Variants in MAN2A1 observed in about 807,000 individuals in gnomAD.
The protein encoded by MAN2A1 is mannosidase alpha class 2A member 1.
In MAN2A1, 76 loss-of-function variants were observed where a neutral mutation model predicts 142.6. The observed-to-expected ratio is 0.53, with a 90% CI of 0.44 to 0.65. The LOEUF is 0.65. Among genes scored for constraint, MAN2A1 ranks in the 30% least tolerant of loss-of-function variants. The probability of loss-of-function intolerance (pLI) is 0.00; values close to 1 mark genes in which losing one functional copy is unlikely to be tolerated. For synonymous variants in MAN2A1, 559 were observed against 473.2 expected, an observed-to-expected ratio of 1.18 and a Z score of -2.35; for missense variants, 1,311 against 1,365.1, an observed-to-expected ratio of 0.96 and a Z score of 0.62.
At chr5:109,810,991 ATT>A (rs11298846) in intron 12 of MAN2A1, among the ~76,000 whole-genome samples, 266 of 145,616 alleles carry the variant, frequency 1.8e-3, no homozygotes, top group African/African-American at 3.5e-3. Context: ...AAGTTTTACT[ATT>A]TTTTTTTTTT....
chr5:109,788,219 G>GAA (rs5870389), intron 10 of MAN2A1, among the ~76,000 whole-genome samples: 165 of 144,634 alleles, frequency 1.1e-3, no homozygotes, highest in Admixed American at 2.6e-3. Context: ...ACTGAATTAG[G>GAA]AAAAAAAAAA....
intron 9 of MAN2A1, among the ~76,000 whole-genome samples, chr5:109,782,758 T>A (rs1323281389): frequency 6.6e-6 from 1 of 152,074 alleles, no homozygotes; most frequent in Non-Finnish European, 1.5e-5. Flanking sequence ...CAGAAAAATG[T>A]CTCATTTTAA....
At chr5:109,809,995 G>A (rs941906525) in intron 12 of MAN2A1, among the ~76,000 whole-genome samples, 1 of 151,476 alleles carries the variant, frequency 6.6e-6, no homozygotes, top group African/African-American at 2.4e-5. Context: ...TTCTGCTATT[G>A]TTAAAGATAT....
At position 109,852,926 on chromosome 5, in the gene MAN2A1, T is replaced by G. The variant is rs565956695; in HGVS notation, c.2977-2214T>G. On this transcript the variant is annotated intron_variant, in intron 19 of 21. Coordinates refer to ENST00000261483, the MANE Select transcript of MAN2A1 (RefSeq NM_002372.4). ...TAAGAAAGTACATGAATGGCAGAAC[T>G]CTGGGTGAGACTTTGCCACTCCAAC... 1.2e-4 allele frequency among the ~76,000 whole-genome samples: 18 copies of G among 152,308 alleles called. No homozygotes were observed. In the South Asian group the frequency reaches 3.7e-3, roughly 32 times the overall value.
chr5:109,844,760 G>A (rs188431251), intron 17 of MAN2A1, among the ~76,000 whole-genome samples: 1 of 152,132 alleles, frequency 6.6e-6, no homozygotes, highest in Admixed American at 6.5e-5. Context: ...TTGTCATACA[G>A]CGTTCTCCCT....
chr5:109,825,941 C>T (rs1425261099), intron 16 of MAN2A1, among the ~76,000 whole-genome samples: 1 of 113,812 alleles, frequency 8.8e-6, no homozygotes, highest in Non-Finnish European at 1.7e-5. Flanking sequence ...GAGTCTCGCT[C>T]TATCGCCCAG....
At chr5:109,849,550 A>C (rs1346394887) in intron 19 of MAN2A1, among the ~76,000 whole-genome samples, 2 of 151,990 alleles carry the variant, frequency 1.3e-5, no homozygotes, top group African/African-American at 4.8e-5. Context: ...TCACCTATCT[A>C]TCTCATTGCC....
chr5:109,737,944 T>C (rs1752152578), intron 4 of MAN2A1, among the ~76,000 whole-genome samples: 1 of 152,190 alleles, frequency 6.6e-6, no homozygotes, highest in African/African-American at 2.4e-5. Context: ...TGTGGATGAC[T>C]GTGGCTCATA....
chr5:109,793,611 A>G (rs1753789795), intron 12 of MAN2A1, among the ~76,000 whole-genome samples: 1 of 152,140 alleles, frequency 6.6e-6, no homozygotes, highest in African/African-American at 2.4e-5. Flanking sequence ...TAAGACCGTT[A>G]CAAATAAAGA....
At chr5:109,791,906 A>G (rs1288744828) in intron 12 of MAN2A1, among the ~76,000 whole-genome samples, 1 of 152,060 alleles carries the variant, frequency 6.6e-6, no homozygotes, top group East Asian at 1.9e-4. Flanking sequence ...TATAGCAATA[A>G]ACCTAACATA....
chr5:109,806,441 A>G (rs924981051), intron 12 of MAN2A1, among the ~76,000 whole-genome samples: 1 of 152,236 alleles, frequency 6.6e-6, no homozygotes, highest in East Asian at 1.9e-4. Context: ...TAAGATTACC[A>G]TAACATCTGA....
In MAN2A1 at chr5:109,711,103, G is replaced by A. The variant is rs534673122; in HGVS notation, c.136-2417G>A. ...AGCCTACCAAAGTGCTGGGATTACA[G>A]GCATGAGCCACCGTGCCCGGACAAA... On this transcript the variant is annotated intron_variant, in intron 1 of 21. Coordinates refer to ENST00000261483, the MANE Select transcript of MAN2A1 (RefSeq NM_002372.4). Among the ~76,000 whole-genome samples, 4 of 152,296 alleles carry A rather than the reference G, an allele frequency of 2.6e-5. 1 individual carries two copies. In the South Asian group the frequency reaches 8.3e-4, roughly 32 times the overall value.
At chr5:109,770,288 A>T (rs1753108807) in intron 6 of MAN2A1, 67 bp from the exon 7 acceptor site, 1 of 1,415,420 alleles carries the variant, frequency 7.1e-7, no homozygotes, top group East Asian at 2.3e-5. Context: ...AAGTAATGAC[A>T]TTTTGAATAT....
chr5:109,854,699 C>T (rs952716800), intron 19 of MAN2A1: 6 of 152,772 alleles, frequency 3.9e-5, no homozygotes, highest in Admixed American at 3.9e-4. Context: ...CCTTTATGGT[C>T]TTGTTAAGGG....
At position 109,797,485 on chromosome 5, in the gene MAN2A1, GA is replaced by G. The variant is rs569845953; in HGVS notation, c.1943+7966del. Among the ~76,000 whole-genome samples the G allele has an allele frequency of 7.7e-3, 1,173 of 151,682 alleles. 7 individuals carry two copies. The highest frequency in any genetic ancestry group is 0.01 in the Non-Finnish European group (699 of 67,874). ...TGACACTGAAAGAGGGTATGGATGT[GA>G]AAAAAAAGTCCATGAGATACTTTTT... is the stretch of plus-strand genomic sequence containing the variant. On this transcript the variant is annotated intron_variant, in intron 12 of 21. Transcript: ENST00000261483.
chr5:109,733,683 G>T (rs968787975), intron 4 of MAN2A1, among the ~76,000 whole-genome samples: 2 of 152,012 alleles, frequency 1.3e-5, no homozygotes, highest in Non-Finnish European at 2.9e-5. Context: ...AGCGTATATT[G>T]AACCAGCCTT....
intron 16 of MAN2A1, among the ~76,000 whole-genome samples, chr5:109,828,104 C>T (rs1189549288): frequency 1.1e-5 from 1 of 92,806 alleles, no homozygotes; most frequent in Admixed American, 1.3e-4. Context: ...GACTCTGTCT[C>T]AAAAAAAAAA....
At chr5:109,843,420 G>A (rs1755265135) in intron 17 of MAN2A1, among the ~76,000 whole-genome samples, 1 of 152,242 alleles carries the variant, frequency 6.6e-6, no homozygotes, top group East Asian at 1.9e-4. Context: ...CTCAACACCT[G>A]GGGATTACAA....
intron 12 of MAN2A1, among the ~76,000 whole-genome samples, chr5:109,815,984 A>G (rs550822940): frequency 2.6e-5 from 4 of 152,358 alleles, no homozygotes; most frequent in Non-Finnish European, 5.9e-5. Context: ...TTTGAAGACA[A>G]TATGATGCAA....
Sources: allele counts gnomAD v4.1 joint callset (sites outside exome capture counted in the v4.1 genomes callset), GRCh38; gene constraint gnomAD v4.1.1; transcripts MANE v1.5; gene names NCBI Gene and HGNC (gene_info 2026-07-23, HGNC 2026-07-21).